SLC3A1: variants seen among roughly 807,000 people sequenced by gnomAD.
The protein encoded by SLC3A1 is amino acid transporter heavy chain SLC3A1.
In SLC3A1, 78 loss-of-function variants were observed where a neutral mutation model predicts 60.3. That is an observed-to-expected ratio of 1.29 (90% CI 1.08 to 1.56). The LOEUF (loss-of-function observed/expected upper bound fraction) is 1.56, where lower values mean the gene tolerates loss of function less well. Ranked by LOEUF, SLC3A1 falls within the 40% of genes most tolerant of loss-of-function variation. The pLI, the probability that SLC3A1 is intolerant of heterozygous loss-of-function variation, is 0.00. For missense variants in SLC3A1, 1,172 were observed against 858.9 expected (o/e 1.36, Z -4.56); for synonymous variants, 392 against 307.9 (o/e 1.27, Z -2.86).
intron 7 of SLC3A1, among the ~76,000 whole-genome samples, chr2:44,304,768 C>G (rs141175026): frequency 6.7e-6 from 1 of 149,066 alleles, no homozygotes; most frequent in East Asian, 2.0e-4. Context: ...CAGAGATTGT[C>G]GGAGAAAGAA....
chr2:44,305,932 C>G (rs1672143770), intron 7 of SLC3A1, among the ~76,000 whole-genome samples: 1 of 152,142 alleles, frequency 6.6e-6, no homozygotes, highest in South Asian at 2.1e-4. Context: ...AGCACCCGTT[C>G]ATTCTCTTTC....
chr2:44,301,844 A>C (rs1382166338), intron 6 of SLC3A1, among the ~76,000 whole-genome samples: 1 of 151,596 alleles, frequency 6.6e-6, no homozygotes, highest in East Asian at 1.9e-4. Context: ...CTGGTGGATC[A>C]CCTGACGGTG....
rs1435166094 is a variant in SLC3A1 at position 44,275,481 on chromosome 2, C to G, written c.-55C>G. 2.1e-6 allele frequency: 3 copies of G among 1,429,544 alleles called. No homozygotes were observed. In the African/African-American group the frequency reaches 4.2e-5, roughly 20 times the overall value. The allele number at this position is 1,429,544 out of a possible 1,614,324, so 88.6% of individuals were successfully genotyped here. ...ACAAGACCAAGCATTCAGCAAGCCACTCTTCCACCTCCCTTACTGCAGGAA... is the reference window on the plus strand; with the variant it reads ...ACAAGACCAAGCATTCAGCAAGCCAGTCTTCCACCTCCCTTACTGCAGGAA... On this transcript the variant is annotated 5_prime_UTR_variant, in exon 1 of 10. Transcript: ENST00000260649.
chr2:44,301,753 A>AAG (rs1672016321), intron 6 of SLC3A1, among the ~76,000 whole-genome samples: 1 of 151,246 alleles, frequency 6.6e-6, no homozygotes, highest in Admixed American at 6.6e-5. Context: ...AAAAAAAAAA[A>AAG]AAAGAACCAA....
intron 3 of SLC3A1, 92 bp from the exon 4 acceptor site, chr2:44,285,940 C>A: frequency 6.7e-7 from 1 of 1,500,170 alleles, no homozygotes; most frequent in Non-Finnish European, 9.3e-7. Flanking sequence ...GATTTACATA[C>A]TCTGCCTGCA....
At chr2:44,315,608 A>AT (rs1298946166) in intron 9 of SLC3A1, among the ~76,000 whole-genome samples, 1 of 134,560 alleles carries the variant, frequency 7.4e-6, no homozygotes, top group East Asian at 2.3e-4. Flanking sequence ...GTGAGTTGTG[A>AT]TTACCCCAAT....
At chr2:44,306,240 T>G (rs561743169) in intron 7 of SLC3A1, among the ~76,000 whole-genome samples, 66 of 152,320 alleles carry the variant, frequency 4.3e-4, no homozygotes, top group Non-Finnish European at 8.4e-4. Context: ...TTTGATACTT[T>G]TCGCACAGAT....
chr2:44,304,994 T>G (rs1035221473), intron 7 of SLC3A1, among the ~76,000 whole-genome samples: 1 of 151,574 alleles, frequency 6.6e-6, no homozygotes, highest in Non-Finnish European at 1.5e-5. Flanking sequence ...GCTAATTATT[T>G]TTGTTTTTGT....
Position 44,281,523 on chromosome 2 carries a change from C to T in SLC3A1, c.747C>T (p.Thr249=). The part of the protein sequence containing the change: ...WHDCTHENGK[T]IPPNNWLSVY... ...ACTGTACCCATGAAAATGGCAAAACCATTCCACCCAACAACTGGGTAAGTA... is the reference window on the plus strand; with the variant it reads ...ACTGTACCCATGAAAATGGCAAAACTATTCCACCCAACAACTGGGTAAGTA... Residue 249 remains threonine (T), a synonymous_variant, in exon 3 of 10, where the codon ACC becomes ACT. Coordinates refer to ENST00000260649, the MANE Select transcript of SLC3A1 (RefSeq NM_000341.4). 6.2e-7 allele frequency: 1 copy of T among 1,614,074 alleles called. No individual in the cohort carries two copies. Among genetic ancestry groups the T allele is most frequent in the Non-Finnish European group, 8.5e-7 (1 of 1,179,980 alleles).
intron 4 of SLC3A1, among the ~76,000 whole-genome samples, chr2:44,298,800 C>T (rs527449819): frequency 2.4e-4 from 36 of 152,284 alleles, no homozygotes; most frequent in Non-Finnish European, 4.6e-4. Flanking sequence ...AGAGGCTGAG[C>T]AGGCAATGAC....
chr2:44,275,984 T>A lies in SLC3A1; in HGVS notation c.430+19T>A, dbSNP rs188716092. The A allele has an allele frequency of 6.2e-7, 1 of 1,609,188 alleles. No homozygotes were observed. Among genetic ancestry groups the A allele is most frequent in the East Asian group, 2.2e-5 (1 of 44,858 alleles). On this transcript the variant is annotated intron_variant, in intron 1 of 9. Coordinates refer to ENST00000260649, the MANE Select transcript of SLC3A1 (RefSeq NM_000341.4). ...CTGAAAGGTACATGCCCAGAGATCA[T>A]TTAGGGTGGGTGCCAGGATGAGATT...
chr2:44,299,753 C>T (rs1028261655), intron 4 of SLC3A1, among the ~76,000 whole-genome samples: 6 of 152,120 alleles, frequency 3.9e-5, no homozygotes, highest in Non-Finnish European at 8.8e-5. Context: ...ATTCTGAATT[C>T]ACATATGAAG....
intron 9 of SLC3A1, chr2:44,316,295 G>T (rs146066270): frequency 6.6e-6 from 1 of 152,218 alleles, no homozygotes; most frequent in Non-Finnish European, 1.5e-5. Context: ...ACCCCCAGTA[G>T]ATTGCTGTTT....
intron 4 of SLC3A1, among the ~76,000 whole-genome samples, chr2:44,296,988 G>A (rs1425995885): frequency 6.6e-6 from 1 of 152,180 alleles, no homozygotes; most frequent in Non-Finnish European, 1.5e-5. Context: ...CCAGCCCTGT[G>A]AAACTGTGAG....
chr2:44,294,706 C>T (rs570402067), intron 4 of SLC3A1, among the ~76,000 whole-genome samples: 1 of 152,218 alleles, frequency 6.6e-6, no homozygotes, highest in East Asian at 1.9e-4. Context: ...GATCTTTCCT[C>T]TACTTCCTGC....
At chr2:44,316,293 T>C (rs1463427487) in intron 9 of SLC3A1, 1 of 152,154 alleles carries the variant, frequency 6.6e-6, no homozygotes, top group Non-Finnish European at 1.5e-5. Context: ...ATACCCCCAG[T>C]AGATTGCTGT....
rs574404474 is a variant in SLC3A1 at position 44,321,434 on chromosome 2, T to C, written c.*795T>C. 2 of 1,612,620 alleles carry C rather than the reference T, an allele frequency of 1.2e-6. No homozygotes were observed. The highest frequency in any genetic ancestry group is 3.3e-5 in the Admixed American group (2 of 59,952). ...CAAGTTCCTCGTACAGGAATTTAAT[T>C]TGGGCTGTAATCTAAAAGAAACACA... On this transcript the variant is annotated 3_prime_UTR_variant, in exon 10 of 10. Coordinates refer to ENST00000260649, the MANE Select transcript of SLC3A1 (RefSeq NM_000341.4).
intron 7 of SLC3A1, among the ~76,000 whole-genome samples, chr2:44,309,269 T>C (rs1672235297): frequency 6.6e-6 from 1 of 152,154 alleles, no homozygotes; most frequent in South Asian, 2.1e-4. Flanking sequence ...CTCTATAAAT[T>C]TGCCTATTCT....
intron 8 of SLC3A1, among the ~76,000 whole-genome samples, chr2:44,313,498 C>T (rs1672349254): frequency 6.6e-6 from 1 of 152,176 alleles, no homozygotes; most frequent in African/African-American, 2.4e-5. Flanking sequence ...AATTCACCAA[C>T]ACTGTACCAT....
Sources: allele counts gnomAD v4.1 joint callset (sites outside exome capture counted in the v4.1 genomes callset), GRCh38; gene constraint gnomAD v4.1.1; transcripts MANE v1.5; gene names NCBI Gene and HGNC (gene_info 2026-07-23, HGNC 2026-07-21).